AFF1: variants seen among roughly 807,000 people sequenced by gnomAD.
AFF1 encodes AF4/FMR2 family member 1.
In AFF1, 48 loss-of-function variants were observed where a neutral mutation model predicts 121.7. The ratio of observed to expected loss-of-function variants is 0.39; its 90% CI spans 0.31 to 0.50. AFF1 has a LOEUF of 0.50. Among genes scored for constraint, AFF1 ranks in the 20% least tolerant of loss-of-function variants. The pLI is 0.76. For missense variants in AFF1, 1,523 were observed against 1,511.7 expected (o/e 1.01, Z -0.12); for synonymous variants, 613 against 563.0 (o/e 1.09, Z -1.26).
chr4:87,079,725 A>C (rs944191451), intron 4 of AFF1, among the ~76,000 whole-genome samples: 2 of 152,174 alleles, frequency 1.3e-5, no homozygotes, highest in East Asian at 1.9e-4. Context: ...TTTATTTTTA[A>C]AATTATTTTA....
intron 4 of AFF1, among the ~76,000 whole-genome samples, chr4:87,069,567 T>TC (rs1721785232): frequency 7.8e-6 from 1 of 127,480 alleles, no homozygotes; most frequent in African/African-American, 3.9e-5. Flanking sequence ...CCCTCTCCTC[T>TC]CTCTCCTCTC....
intron 2 of AFF1, among the ~76,000 whole-genome samples, chr4:86,961,584 G>A (rs1370336060): frequency 6.6e-6 from 1 of 151,006 alleles, no homozygotes; most frequent in Non-Finnish European, 1.5e-5. Context: ...GGGGGTGTGG[G>A]AAGGGGGGGC....
chr4:87,067,743 G>A (rs1721508650), intron 4 of AFF1, among the ~76,000 whole-genome samples: 1 of 152,172 alleles, frequency 6.6e-6, no homozygotes, highest in African/African-American at 2.4e-5. Flanking sequence ...TTGGAAACAT[G>A]TGTTTCTAAT....
chr4:87,037,841 G>C (rs1280261556), intron 2 of AFF1, among the ~76,000 whole-genome samples: 1 of 152,160 alleles, frequency 6.6e-6, no homozygotes, highest in East Asian at 1.9e-4. Context: ...GAGTCCTGGA[G>C]AGTGTTTATG....
chr4:87,060,388 T>C (rs1256108506), intron 4 of AFF1, among the ~76,000 whole-genome samples: 3 of 152,224 alleles, frequency 2.0e-5, no homozygotes, highest in South Asian at 4.1e-4. Context: ...TTAAAAGTAA[T>C]GCATATAATA....
At chr4:86,985,863 A>G (rs1724215618) in intron 2 of AFF1, among the ~76,000 whole-genome samples, 1 of 148,820 alleles carries the variant, frequency 6.7e-6, no homozygotes, top group Admixed American at 6.6e-5. Context: ...TATTTACAGA[A>G]AAAAAAACTA....
At chr4:87,011,827 G>A (rs958852098) in intron 2 of AFF1, among the ~76,000 whole-genome samples, 15 of 152,178 alleles carry the variant, frequency 9.9e-5, no homozygotes, top group African/African-American at 3.4e-4. Context: ...GACTGAAGGA[G>A]CGGTGAGTCA....
chr4:87,074,455 TATTACGTGG>T (rs1366369573), intron 4 of AFF1, among the ~76,000 whole-genome samples: 2 of 152,250 alleles, frequency 1.3e-5, no homozygotes, highest in Non-Finnish European at 2.9e-5. Context: ...TGATTCCCCT[TATTACGTGG>T]TGAATGGTAA....
intron 4 of AFF1, chr4:87,049,731 A>G (rs1460936639): frequency 2.2e-6 from 1 of 455,914 alleles, no homozygotes; most frequent in Admixed American, 2.4e-5. Context: ...CAGCTGTGGT[A>G]CCAACTGCCT....
At chr4:87,038,906 G>A (rs1729831910) in intron 2 of AFF1, among the ~76,000 whole-genome samples, 2 of 152,172 alleles carry the variant, frequency 1.3e-5, no homozygotes, top group East Asian at 1.9e-4. Flanking sequence ...TTGGTGACAT[G>A]TATCAGAGGA....
Position 87,132,158 on chromosome 4 carries a change from A to G in AFF1, c.3174-113A>G. ...AGAGCAGTAAGATACTTTACATACTAACTCACACAGGTGAGGCAAACCCGG... is the reference window on the plus strand; with the variant it reads ...AGAGCAGTAAGATACTTTACATACTGACTCACACAGGTGAGGCAAACCCGG... On this transcript the variant is annotated intron_variant, in intron 18 of 20. Coordinates refer to ENST00000395146, the MANE Select transcript of AFF1 (RefSeq NM_001166693.3). 4 of 1,227,876 alleles carry G rather than the reference A, an allele frequency of 3.3e-6. No homozygotes were observed. The South Asian group carries it at 4.6e-5, about 14-fold the overall frequency. The allele number at this position is 1,227,876 out of a possible 1,614,324, so 76.1% of individuals were successfully genotyped here. A position where few individuals can be genotyped will look rare whatever the true frequency, so the allele number is the denominator to read the frequency against.
intron 12 of AFF1, among the ~76,000 whole-genome samples, chr4:87,116,410 C>T (rs1387928032): frequency 6.6e-6 from 1 of 152,142 alleles, no homozygotes; most frequent in African/African-American, 2.4e-5. Context: ...CAGTAGCATT[C>T]CCAAGCCAAC....
chr4:87,026,374 A>G (rs1388368416), intron 2 of AFF1, among the ~76,000 whole-genome samples: 1 of 152,184 alleles, frequency 6.6e-6, no homozygotes, highest in African/African-American at 2.4e-5. Context: ...CTGGGATTAC[A>G]GGTGTGAGCC....
intron 4 of AFF1, among the ~76,000 whole-genome samples, chr4:87,082,427 G>A (rs933388472): frequency 1.3e-5 from 2 of 152,156 alleles, no homozygotes; most frequent in African/African-American, 4.8e-5. Flanking sequence ...AGTGGATCCT[G>A]CCAGATGTAA....
chr4:87,057,992 T>G (rs1720326562), intron 4 of AFF1, among the ~76,000 whole-genome samples: 1 of 152,020 alleles, frequency 6.6e-6, no homozygotes. Context: ...ATCTCTGGTG[T>G]AAACAGTTCA....
chr4:87,046,149 T>G lies in AFF1; in HGVS notation c.39-17T>G. The G allele has an allele frequency of 6.2e-7, 1 of 1,607,060 alleles. No individual in the cohort carries two copies. Among genetic ancestry groups the G allele is most frequent in the Non-Finnish European group, 8.5e-7 (1 of 1,178,334 alleles). ...ATAAATTTTATTGTTTTCATTCTTT[T>G]GTGGCATCTGAAACAGTTTGTACAA... On this transcript the variant is annotated splice_polypyrimidine_tract_variant and intron_variant, in intron 2 of 20. Coordinates refer to ENST00000395146, the MANE Select transcript of AFF1 (RefSeq NM_001166693.3).
intron 2 of AFF1, among the ~76,000 whole-genome samples, chr4:86,983,725 A>AC (rs1723969338): frequency 6.7e-6 from 1 of 149,262 alleles, no homozygotes; most frequent in Non-Finnish European, 1.5e-5. Flanking sequence ...AAAACCAAAA[A>AC]AAAAAACAAA....
At chr4:87,029,128 T>C (rs1396813712) in intron 2 of AFF1, among the ~76,000 whole-genome samples, 1 of 152,220 alleles carries the variant, frequency 6.6e-6, no homozygotes, top group Non-Finnish European at 1.5e-5. Flanking sequence ...GTTACCTGTT[T>C]CTTTTTATTC....
rs767344987 is a variant in AFF1 at position 87,126,147 on chromosome 4, G to A, written c.2622G>A (p.Pro874=). The A allele has an allele frequency of 1.6e-5, 26 of 1,614,022 alleles. No homozygotes were observed. In the East Asian group the frequency reaches 2.7e-4, roughly 17 times the overall value. The change falls in exon 14 of 21, where the codon CCG becomes CCA. Residue 874 remains proline (P), a synonymous_variant. Coordinates refer to ENST00000395146, the MANE Select transcript of AFF1 (RefSeq NM_001166693.3). ...SQSSKKEMLP[P]PPVSSSSQKP... is the part of the protein sequence containing the mutation. ...CCTCAAAGAAGGAAATGCTCCCCCCGCCACCCGTGTCCTCGTCCTCCCAGA... is the reference window on the plus strand; with the variant it reads ...CCTCAAAGAAGGAAATGCTCCCCCCACCACCCGTGTCCTCGTCCTCCCAGA...
Sources: allele counts gnomAD v4.1 joint callset (sites outside exome capture counted in the v4.1 genomes callset), GRCh38; gene constraint gnomAD v4.1.1; transcripts MANE v1.5; gene names NCBI Gene and HGNC (gene_info 2026-07-23, HGNC 2026-07-21).